HNF4A: variants seen among roughly 807,000 people sequenced by gnomAD.
The protein encoded by HNF4A is hepatocyte nuclear factor 4 alpha.
In HNF4A, 15 loss-of-function variants were observed where a neutral mutation model predicts 52.4. The observed-to-expected ratio is 0.29, with a 90% CI of 0.19 to 0.44. HNF4A has a LOEUF of 0.44. Among genes scored for constraint, HNF4A ranks in the 20% least tolerant of loss-of-function variants. The pLI, the probability that HNF4A is intolerant of heterozygous loss-of-function variation, is 1.00. For missense variants in HNF4A, 479 were observed against 647.2 expected (o/e 0.74, Z 2.82); for synonymous variants, 280 against 264.4 (o/e 1.06, Z -0.57).
rs914649750 is a variant in HNF4A at position 44,406,321 on chromosome 20, C to T, written c.290+89C>T. 5.0e-6 allele frequency: 6 copies of T among 1,193,168 alleles called. No homozygotes were observed. In the African/African-American group the frequency reaches 7.5e-5, roughly 15 times the overall value. The allele number at this position is 1,193,168 out of a possible 1,614,324, so 73.9% of individuals were successfully genotyped here. A position where few individuals can be genotyped will look rare whatever the true frequency, so the allele number is the denominator to read the frequency against. Reference sequence around the variant, plus strand: ...GTCTTCTCCCTGAGTGGGTAGGTCCCAGAGACAGCTGCCCTTCAGGGCCTT... The same window carrying T: ...GTCTTCTCCCTGAGTGGGTAGGTCCTAGAGACAGCTGCCCTTCAGGGCCTT... On this transcript the variant is annotated intron_variant, in intron 2 of 9. Transcript: ENST00000316099.
chr20:44,387,288 TAAAAAAAAAA>T (rs537843651), intron 1 of HNF4A, among the ~76,000 whole-genome samples: 7,340 of 82,134 alleles, frequency 0.089, 653 homozygotes, highest in African/African-American at 0.28. Flanking sequence ...AACTTCATCT[TAAAAAAAAAA>T]AAAAAAAAAA....
intron 6 of HNF4A, among the ~76,000 whole-genome samples, chr20:44,418,765 C>T (rs2063702327): frequency 6.6e-6 from 1 of 152,156 alleles, no homozygotes; most frequent in Non-Finnish European, 1.5e-5. Context: ...AGGGTTATCC[C>T]TGGAATTACC....
chr20:44,363,129 T>C (rs2062935580), intron 1 of HNF4A, among the ~76,000 whole-genome samples: 1 of 152,122 alleles, frequency 6.6e-6, no homozygotes, highest in Admixed American at 6.6e-5. Context: ...GTGCTGGGAT[T>C]ACAGGCCTGA....
Position 44,431,414 on chromosome 20 carries a change from T to G in HNF4A, c.*1749T>G, listed in dbSNP as rs1436493472. 1 of 152,374 alleles carries G rather than the reference T, an allele frequency of 6.6e-6. No individual in the cohort carries two copies. 9.4% of individuals were successfully genotyped at this position (152,374 alleles called of 1,614,324 possible). On this transcript the variant is annotated 3_prime_UTR_variant, in exon 10 of 10. Transcript: ENST00000316099. ...CATGACTCTTGACAGCTTTTCTCTCTTCACTCCCCAAGTCAAGGGGAGGGG... is the reference window on the plus strand; with the variant it reads ...CATGACTCTTGACAGCTTTTCTCTCGTCACTCCCCAAGTCAAGGGGAGGGG...
intron 1 of HNF4A, among the ~76,000 whole-genome samples, chr20:44,371,104 T>C (rs2063028980): frequency 6.6e-6 from 1 of 152,176 alleles, no homozygotes; most frequent in Admixed American, 6.5e-5. Context: ...CCTGGGCAGC[T>C]TCCCAGGCAA....
chr20:44,400,229 G>C (rs2146335740), upstream of HNF4A, among the ~76,000 whole-genome samples: 1 of 152,248 alleles, frequency 6.6e-6, no homozygotes, highest in Admixed American at 6.5e-5. Flanking sequence ...GACTTTCTAA[G>C]GGTTGGGTTG....
rs1032780423 is a variant in HNF4A at position 44,404,705 on chromosome 20, G to A, written c.116-1353G>A. Reference sequence around the variant, plus strand: ...GTATGTGTGTGCATGTGTGTGGAGCGTGTGTGTGCTTATGTGTGGACTCTG... The same window carrying A: ...GTATGTGTGTGCATGTGTGTGGAGCATGTGTGTGCTTATGTGTGGACTCTG... On this transcript the variant is annotated intron_variant, in intron 1 of 9. Coordinates refer to ENST00000316099, the MANE Select transcript of HNF4A (RefSeq NM_000457.6). Among the ~76,000 whole-genome samples, 25 of 105,938 alleles carry A rather than the reference G, an allele frequency of 2.4e-4. 1 individual carries two copies. Among genetic ancestry groups the A allele is most frequent in the African/African-American group, 5.1e-4 (14 of 27,204 alleles). 69.5% of individuals were successfully genotyped at this position (105,938 alleles called of 152,430 possible).
chr20:44,428,520 G>T, intron 9 of HNF4A, 33 bp downstream of exon 9: 2 of 1,604,222 alleles, frequency 1.2e-6, no homozygotes, highest in Non-Finnish European at 1.7e-6. Context: ...CCTTGCAAAG[G>T]GTGAGGATGG....
intron 1 of HNF4A, chr20:44,402,500 G>A: frequency 8.1e-7 from 1 of 1,234,224 alleles, no homozygotes; most frequent in Non-Finnish European, 1.1e-6. Flanking sequence ...CTCTGTTGTT[G>A]CCACTCACCA....
At chr20:44,401,197 G>A, upstream of HNF4A, 1 of 1,483,396 alleles carries the variant, frequency 6.7e-7, no homozygotes, top group Non-Finnish European at 8.9e-7. Context: ...CTCCCCGGCA[G>A]AGCCTCCACC....
intron 1 of HNF4A, chr20:44,390,380 C>A (rs1181376330): frequency 2.0e-6 from 1 of 496,214 alleles, no homozygotes; most frequent in African/African-American, 1.9e-5. Flanking sequence ...CACTGTGTCT[C>A]CCATTCCTAT....
chr20:44,405,088 G>A (rs1055403139), intron 1 of HNF4A, among the ~76,000 whole-genome samples: 1 of 5,672 alleles, frequency 1.8e-4, no homozygotes, highest in Non-Finnish European at 5.0e-4. Flanking sequence ...TGTGTGGTGC[G>A]TGTGTGTGCT....
At chr20:44,370,059 C>T (rs540590954) in intron 1 of HNF4A, among the ~76,000 whole-genome samples, 1 of 152,244 alleles carries the variant, frequency 6.6e-6, no homozygotes, top group Non-Finnish European at 1.5e-5. Context: ...CGGAGTCTCA[C>T]TCTTTCACCC....
At chr20:44,407,898 T>A (rs1239669845) in intron 3 of HNF4A, among the ~76,000 whole-genome samples, 1 of 152,196 alleles carries the variant, frequency 6.6e-6, no homozygotes, top group East Asian at 1.9e-4. Flanking sequence ...AGGAGCCCGA[T>A]GCCTGAGCTT....
chr20:44,413,454 G>A (rs569066721), intron 3 of HNF4A, among the ~76,000 whole-genome samples: 1 of 152,146 alleles, frequency 6.6e-6, no homozygotes, highest in South Asian at 2.1e-4. Flanking sequence ...TGTCTTGCGC[G>A]CCCCTGCTGA....
intron 4 of HNF4A, 118 bp downstream of exon 4, chr20:44,413,918 T>C: frequency 1.4e-6 from 1 of 740,428 alleles, no homozygotes; most frequent in South Asian, 1.5e-5. Flanking sequence ...GGGCCTCAGA[T>C]ATTACAGAAG....
chr20:44,378,527 C>T (rs540988862), intron 1 of HNF4A, among the ~76,000 whole-genome samples: 54 of 152,224 alleles, frequency 3.5e-4, no homozygotes, highest in Admixed American at 3.4e-3. Context: ...CTCAGCCTCC[C>T]AAAGTGCTGG....
intron 9 of HNF4A, among the ~76,000 whole-genome samples, chr20:44,429,184 C>T (rs2063846671): frequency 6.6e-6 from 1 of 152,156 alleles, no homozygotes; most frequent in African/African-American, 2.4e-5. Flanking sequence ...GAAAGACTAT[C>T]CCTGTCACCC....
chr20:44,371,506 G>T (rs2063033765), intron 1 of HNF4A, among the ~76,000 whole-genome samples: 1 of 152,028 alleles, frequency 6.6e-6, no homozygotes, highest in Admixed American at 6.6e-5. Flanking sequence ...CTTGAACACA[G>T]CAAGATTCTG....
Sources: gnomAD v4.1 joint callset for allele counts (sites outside exome capture counted in the v4.1 genomes callset) on GRCh38, gnomAD v4.1.1 for gene constraint, MANE v1.5 for transcripts, NCBI Gene and HGNC (gene_info 2026-07-23, HGNC 2026-07-21) for gene names.